The following TMEM74 variants were observed in gnomAD, a reference collection of about 807,000 sequenced individuals.
The protein encoded by TMEM74 is transmembrane protein 74.
TMEM74 carries 13 observed loss-of-function variants against 18.1 expected under a neutral mutation model. The ratio of observed to expected loss-of-function variants is 0.72; its 90% CI spans 0.47 to 1.14. TMEM74 has a LOEUF of 1.14. Ranked by LOEUF, TMEM74 falls within the 50% of genes most tolerant of loss-of-function variation. The probability of loss-of-function intolerance (pLI) is 0.00; values close to 1 mark genes in which losing one functional copy is unlikely to be tolerated. For synonymous variants in TMEM74, 159 were observed against 146.6 expected, an observed-to-expected ratio of 1.08 and a Z score of -0.61; for missense variants, 372 against 375.9, an observed-to-expected ratio of 0.99 and a Z score of 0.09.
At chr8:108,652,641 GA>G in intron 2 of TMEM74, 2 of 625,420 alleles carry the variant, frequency 3.2e-6, no homozygotes, top group South Asian at 1.6e-5. Flanking sequence ...AAGAAAGCAA[GA>G]AAAAGAAAGA....
chr8:108,674,677 C>T (rs1046571819), intron 1 of TMEM74, among the ~76,000 whole-genome samples: 1 of 152,262 alleles, frequency 6.6e-6, no homozygotes, highest in East Asian at 1.9e-4. Context: ...ATTAACATGT[C>T]ACTTGGACCA....
At chr8:108,728,286 G>A (rs1204008173) in intron 1 of TMEM74, among the ~76,000 whole-genome samples, 1 of 152,164 alleles carries the variant, frequency 6.6e-6, no homozygotes, top group South Asian at 2.1e-4. Flanking sequence ...GATAATGTAG[G>A]AGAGAGGGGG....
At chr8:108,710,509 G>A (rs976795299) in intron 1 of TMEM74, among the ~76,000 whole-genome samples, 6 of 152,224 alleles carry the variant, frequency 3.9e-5, no homozygotes, top group Admixed American at 3.3e-4. Flanking sequence ...CTCATGCTGA[G>A]GTCTGAAGGG....
chr8:108,648,930 T>C (rs1812746609), intron 2 of TMEM74, among the ~76,000 whole-genome samples: 1 of 152,176 alleles, frequency 6.6e-6, no homozygotes, highest in African/African-American at 2.4e-5. Flanking sequence ...AATACACTGA[T>C]CTACAAGTTC....
intron 1 of TMEM74, among the ~76,000 whole-genome samples, chr8:108,761,189 A>G (rs1238368431): frequency 6.6e-6 from 1 of 152,044 alleles, no homozygotes; most frequent in Non-Finnish European, 1.5e-5. Context: ...GGTACACTAT[A>G]GTGGTTAGAA....
chr8:108,661,014 C>T (rs564531351), intron 1 of TMEM74, among the ~76,000 whole-genome samples: 1 of 152,204 alleles, frequency 6.6e-6, no homozygotes, highest in African/African-American at 2.4e-5. Context: ...AATCCATTCC[C>T]AGAGATTGAC....
intron 1 of TMEM74, among the ~76,000 whole-genome samples, chr8:108,686,754 A>G (rs978431037): frequency 5.3e-5 from 8 of 151,984 alleles, no homozygotes; most frequent in Non-Finnish European, 8.8e-5. Context: ...TGGAAGTTCT[A>G]TATTTTGAGG....
At chr8:108,670,399 A>G (rs1812992324) in intron 1 of TMEM74, among the ~76,000 whole-genome samples, 1 of 152,194 alleles carries the variant, frequency 6.6e-6, no homozygotes. Context: ...TTAATCCAGT[A>G]TCATGTGTTG....
chr8:108,711,272 C>G (rs1164413236), intron 1 of TMEM74, among the ~76,000 whole-genome samples: 1 of 152,198 alleles, frequency 6.6e-6, no homozygotes, highest in Non-Finnish European at 1.5e-5. Flanking sequence ...CCTGGTCTCT[C>G]TCTTTCCAAA....
intron 1 of TMEM74, among the ~76,000 whole-genome samples, chr8:108,664,395 A>G (rs967764767): frequency 6.6e-6 from 1 of 152,068 alleles, no homozygotes; most frequent in Non-Finnish European, 1.5e-5. Context: ...GCTATTGTGC[A>G]TAGTATTGAG....
intron 1 of TMEM74, among the ~76,000 whole-genome samples, chr8:108,687,246 C>A (rs1194658222): frequency 1.3e-5 from 2 of 151,928 alleles, no homozygotes; most frequent in Non-Finnish European, 2.9e-5. Context: ...TAAAAGCCAA[C>A]AAACCTATAA....
intron 1 of TMEM74, among the ~76,000 whole-genome samples, chr8:108,688,598 C>A (rs145912307): frequency 2.0e-5 from 3 of 152,118 alleles, no homozygotes; most frequent in Admixed American, 6.6e-5. Flanking sequence ...TTGGAGCAAA[C>A]TACAGAGGAT....
At chr8:108,653,979 G>A (rs1398020137) in intron 2 of TMEM74, among the ~76,000 whole-genome samples, 2 of 152,050 alleles carry the variant, frequency 1.3e-5, no homozygotes, top group African/African-American at 2.4e-5. Flanking sequence ...ATAATATAAA[G>A]ATGTATTGCT....
chr8:108,757,359 A>G (rs1262461737), intron 1 of TMEM74, among the ~76,000 whole-genome samples: 1 of 152,086 alleles, frequency 6.6e-6, no homozygotes, highest in East Asian at 1.9e-4. Context: ...ATCTTCTTAA[A>G]AGAAATAACA....
At chr8:108,626,266 A>G (rs1306673255) in intron 2 of TMEM74, among the ~76,000 whole-genome samples, 1 of 152,022 alleles carries the variant, frequency 6.6e-6, no homozygotes, top group Non-Finnish European at 1.5e-5. Flanking sequence ...CCAGAATGCT[A>G]TTGTATGATT....
rs1417357197 is a variant in TMEM74 at position 108,779,122 on chromosome 8, C to G, written c.*5059G>C. Among the ~76,000 whole-genome samples the G allele has an allele frequency of 6.6e-6, 1 of 152,068 alleles. No individual in the cohort carries two copies. Among genetic ancestry groups the G allele is most frequent in the Non-Finnish European group, 1.5e-5 (1 of 68,000 alleles). ...ATAGTTTTATTTTAAAATGATATGACACACTTGCTATTAACATATAAGGCA... is the reference window on the plus strand; with the variant it reads ...ATAGTTTTATTTTAAAATGATATGAGACACTTGCTATTAACATATAAGGCA... On this transcript the variant is annotated 3_prime_UTR_variant, in exon 2 of 2. Transcript: ENST00000297459.
At chr8:108,634,887 G>A (rs1812591684) in intron 2 of TMEM74, among the ~76,000 whole-genome samples, 1 of 152,000 alleles carries the variant, frequency 6.6e-6, no homozygotes, top group Non-Finnish European at 1.5e-5. Context: ...AGCAGTAGAG[G>A]TGATCTGAGA....
intron 2 of TMEM74, among the ~76,000 whole-genome samples, chr8:108,622,048 A>G (rs1379391162): frequency 6.6e-6 from 1 of 152,152 alleles, no homozygotes; most frequent in East Asian, 1.9e-4. Flanking sequence ...TTCCAAACCC[A>G]GGATTTCACA....
chr8:108,631,656 G>A (rs923588752), intron 2 of TMEM74, among the ~76,000 whole-genome samples: 6 of 152,062 alleles, frequency 3.9e-5, no homozygotes, highest in African/African-American at 9.6e-5. Flanking sequence ...ACTTCTGCCC[G>A]TTCTGTAGGT....
Sources: allele counts gnomAD v4.1 joint callset (sites outside exome capture counted in the v4.1 genomes callset), GRCh38; gene constraint gnomAD v4.1.1; transcripts MANE v1.5; gene names NCBI Gene and HGNC (gene_info 2026-07-23, HGNC 2026-07-21).